Variants in RAB3B observed in about 807,000 individuals in gnomAD.
RAB3B encodes ras-related protein Rab-3B.
A neutral mutation model predicts 20.5 loss-of-function variants in RAB3B; 11 were observed. The ratio of observed to expected loss-of-function variants is 0.54; its 90% confidence interval spans 0.34 to 0.89. RAB3B has a LOEUF of 0.89. RAB3B is among the 40% of genes least tolerant of loss of function. RAB3B has a pLI of 0.02. For missense variants in RAB3B, 225 were observed against 280.9 expected, an observed-to-expected ratio of 0.80 and a Z score of 1.42; for synonymous variants, 99 against 106.3, an observed-to-expected ratio of 0.93 and a Z score of 0.42.
chr1:51,981,964 T>C (rs1281503126), intron 1 of RAB3B, among the ~76,000 whole-genome samples: 1 of 152,210 alleles, frequency 6.6e-6, no homozygotes, highest in Non-Finnish European at 1.5e-5. Flanking sequence ...TTATTGTTAT[T>C]TTAGAGTGTA....
chr1:51,937,839 G>A (rs1424765747), intron 2 of RAB3B, among the ~76,000 whole-genome samples: 2 of 152,002 alleles, frequency 1.3e-5, no homozygotes, highest in Non-Finnish European at 2.9e-5. Flanking sequence ...CTTGTATTGT[G>A]CTTGCTGACT....
intron 1 of RAB3B, among the ~76,000 whole-genome samples, chr1:51,979,133 C>A (rs1557977865): frequency 6.6e-6 from 1 of 152,112 alleles, no homozygotes; most frequent in Non-Finnish European, 1.5e-5. Context: ...ATAGCACTTA[C>A]ATGGAGGAAG....
At chr1:51,931,384 A>G (rs1378108585) in intron 4 of RAB3B, among the ~76,000 whole-genome samples, 2 of 152,148 alleles carry the variant, frequency 1.3e-5, no homozygotes, top group African/African-American at 4.8e-5. Context: ...AGCCCTGACC[A>G]ATTGGACTAT....
Position 51,912,887 on chromosome 1 carries a change from G to A in RAB3B, c.*7040C>T, listed in dbSNP as rs1043093124. 6 of 152,078 alleles carry A rather than the reference G, an allele frequency of 3.9e-5. No homozygotes were observed. Among genetic ancestry groups the A allele is most frequent in the Non-Finnish European group, 8.8e-5 (6 of 68,014 alleles). 9.4% of individuals were successfully genotyped at this position (152,078 alleles called of 1,614,324 possible). A position where few individuals can be genotyped will look rare whatever the true frequency, so the allele number is the denominator to read the frequency against. Reference sequence around the variant, plus strand: ...TGGGGTTCAAACAAGTTTGGGGGCAGAATCAAGAGTTTCAATTTGGACATG... The same window carrying A: ...TGGGGTTCAAACAAGTTTGGGGGCAAAATCAAGAGTTTCAATTTGGACATG... On this transcript the variant is annotated 3_prime_UTR_variant, in exon 5 of 5. Coordinates refer to ENST00000371655, the MANE Select transcript of RAB3B (RefSeq NM_002867.4).
At chr1:51,951,733 G>C (rs1025101063) in intron 2 of RAB3B, among the ~76,000 whole-genome samples, 3 of 152,170 alleles carry the variant, frequency 2.0e-5, no homozygotes, top group Non-Finnish European at 4.4e-5. Flanking sequence ...AGAATCACTT[G>C]AGCCTAGGAG....
chr1:51,953,348 T>C (rs1012075925), intron 2 of RAB3B, among the ~76,000 whole-genome samples: 15 of 151,764 alleles, frequency 9.9e-5, no homozygotes, highest in African/African-American at 2.4e-4. Flanking sequence ...GGGAGAGAAG[T>C]GAGGTGGAAG....
chr1:51,946,447 G>T (rs1209970913), intron 2 of RAB3B, among the ~76,000 whole-genome samples: 1 of 152,220 alleles, frequency 6.6e-6, no homozygotes, highest in Non-Finnish European at 1.5e-5. Context: ...GGAGGAGAAA[G>T]AAAGAGGAGT....
intron 2 of RAB3B, among the ~76,000 whole-genome samples, chr1:51,962,910 T>A (rs1036934635): frequency 1.3e-5 from 2 of 152,032 alleles, no homozygotes; most frequent in African/African-American, 4.8e-5. Context: ...CCTGCTTTCA[T>A]ATCACTCTCT....
At chr1:51,963,205 C>A (rs914800992) in intron 2 of RAB3B, among the ~76,000 whole-genome samples, 2 of 152,192 alleles carry the variant, frequency 1.3e-5, no homozygotes, top group African/African-American at 4.8e-5. Flanking sequence ...TAATTTCAAG[C>A]CTCTCATACT....
rs1035386656 is a variant in RAB3B, at chr1:51,911,841, T to C, written c.*8086A>G. On this transcript the variant is annotated 3_prime_UTR_variant, in exon 5 of 5. Transcript: ENST00000371655. ...AGGGAAGGATTCTGATGGGCCCTGC[T>C]TGATCACATGCTCCGTTTATTGACA... 2 of 152,216 alleles carry C rather than the reference T, an allele frequency of 1.3e-5. No homozygotes were observed. Among genetic ancestry groups the C allele is most frequent in the Non-Finnish European group, 2.9e-5 (2 of 68,036 alleles). 9.4% of individuals were successfully genotyped at this position (152,216 alleles called of 1,614,324 possible).
At position 51,918,574 on chromosome 1, in the gene RAB3B, C is replaced by T. The variant is rs1008805699; in HGVS notation, c.*1353G>A. ...CCAGGAGGCAGATTTGAGCTCGATA[C>T]AAGGAAAACTTTCTATGAGAGTTGA... On this transcript the variant is annotated 3_prime_UTR_variant, in exon 5 of 5. Coordinates refer to ENST00000371655, the MANE Select transcript of RAB3B (RefSeq NM_002867.4). 1 of 152,164 alleles carries T rather than the reference C, an allele frequency of 6.6e-6. No individual in the cohort carries two copies. The highest frequency in any genetic ancestry group is 1.5e-5 in the Non-Finnish European group (1 of 68,044). 9.4% of individuals were successfully genotyped at this position (152,164 alleles called of 1,614,324 possible).
chr1:51,977,834 T>C (rs943702675), intron 1 of RAB3B, among the ~76,000 whole-genome samples: 1 of 152,042 alleles, frequency 6.6e-6, no homozygotes. Context: ...ATAGAAACTT[T>C]CATGGCTTTC....
chr1:51,979,224 G>A (rs1685050866), intron 1 of RAB3B, among the ~76,000 whole-genome samples: 1 of 151,870 alleles, frequency 6.6e-6, no homozygotes, highest in South Asian at 2.1e-4. Context: ...CATGGTACTA[G>A]GTGCAAAGGC....
intron 4 of RAB3B, among the ~76,000 whole-genome samples, chr1:51,926,141 A>T (rs1439956514): frequency 1.3e-5 from 2 of 152,242 alleles, no homozygotes; most frequent in African/African-American, 4.8e-5. Context: ...GAAAAACAAC[A>T]GGAGAGGGTG....
chr1:51,962,320 T>C (rs1684794850), intron 2 of RAB3B, among the ~76,000 whole-genome samples: 1 of 152,166 alleles, frequency 6.6e-6, no homozygotes, highest in Admixed American at 6.5e-5. Flanking sequence ...ATTAGTCCCA[T>C]TTACAGGTGA....
intron 4 of RAB3B, among the ~76,000 whole-genome samples, chr1:51,930,605 A>G (rs895091392): frequency 6.6e-6 from 1 of 152,238 alleles, no homozygotes; most frequent in Admixed American, 6.5e-5. Context: ...GAAAGAACAT[A>G]TCTTGGAGGG....
intron 1 of RAB3B, among the ~76,000 whole-genome samples, chr1:51,979,147 G>A (rs1018393288): frequency 6.6e-6 from 1 of 152,190 alleles, no homozygotes; most frequent in Non-Finnish European, 1.5e-5. Context: ...GAGGAAGAAA[G>A]TGAGGTTGGA....
intron 4 of RAB3B, among the ~76,000 whole-genome samples, chr1:51,923,078 A>G (rs1684193913): frequency 1.3e-5 from 2 of 152,214 alleles, no homozygotes; most frequent in Admixed American, 1.3e-4. Context: ...GATCAATTAT[A>G]GTTGTAGAAA....
At chr1:51,929,147 G>C (rs1484724774) in intron 4 of RAB3B, among the ~76,000 whole-genome samples, 1 of 152,198 alleles carries the variant, frequency 6.6e-6, no homozygotes, top group East Asian at 1.9e-4. Context: ...GGTTGGGAGA[G>C]AGAAGGTCTC....
Sources: gnomAD v4.1 joint callset for allele counts (sites outside exome capture counted in the v4.1 genomes callset) on GRCh38, gnomAD v4.1.1 for gene constraint, MANE v1.5 for transcripts, NCBI Gene and HGNC (gene_info 2026-07-23, HGNC 2026-07-21) for gene names.